Variants in ARID1B observed in about 807,000 individuals in gnomAD.
ARID1B encodes AT-rich interactive domain-containing protein 1B.
ARID1B carries 30 observed loss-of-function variants against 212.3 expected under a neutral mutation model. The ratio of observed to expected loss-of-function variants is 0.14; its 90% CI spans 0.11 to 0.19. The LOEUF (loss-of-function observed/expected upper bound fraction) is 0.19. Ranked by LOEUF, ARID1B falls within the 10% of genes least tolerant of loss-of-function variation. ARID1B has a pLI of 1.00. For missense variants in ARID1B, 2,891 were observed against 3,204.0 expected (o/e 0.90, Z 2.36); for synonymous variants, 1,402 against 1,301.7 (o/e 1.08, Z -1.66).
intron 2 of ARID1B, among the ~76,000 whole-genome samples, chr6:156,867,758 G>A (rs288550): frequency 0.62 from 94,467 of 152,050 alleles, 30,530 homozygotes; most frequent in African/African-American, 0.81. Context: ...GAAGTGGTCC[G>A]ACAGATCTCA....
chr6:156,915,506 C>T (rs1010571673), intron 3 of ARID1B, among the ~76,000 whole-genome samples: 3 of 151,284 alleles, frequency 2.0e-5, no homozygotes, highest in East Asian at 2.0e-4. Flanking sequence ...AGGCAGAGGT[C>T]GCAGTGAGCT....
chr6:156,877,977 A>C (rs912664212), intron 2 of ARID1B, among the ~76,000 whole-genome samples: 11 of 151,748 alleles, frequency 7.2e-5, no homozygotes, highest in Non-Finnish European at 1.5e-4. Flanking sequence ...CAGCCTCCCA[A>C]AGTGTTGGGA....
intron 2 of ARID1B, among the ~76,000 whole-genome samples, chr6:156,886,389 G>A (rs1260105652): frequency 2.6e-5 from 4 of 152,276 alleles, no homozygotes; most frequent in South Asian, 2.1e-4. Context: ...TTAAAGAAAT[G>A]TGTGTGCATT....
intron 13 of ARID1B, among the ~76,000 whole-genome samples, chr6:157,188,618 T>C (rs1793142835): frequency 6.6e-6 from 1 of 152,186 alleles, no homozygotes; most frequent in South Asian, 2.1e-4. Flanking sequence ...TGCCATTTGT[T>C]CGGGGGGTTC....
At chr6:157,152,918 A>G (rs1790307904) in intron 8 of ARID1B, among the ~76,000 whole-genome samples, 1 of 152,230 alleles carries the variant, frequency 6.6e-6, no homozygotes, top group African/African-American at 2.4e-5. Context: ...CACAATCCCA[A>G]AGGACCTAGA....
At chr6:156,946,626 A>G (rs371384749) in intron 4 of ARID1B, among the ~76,000 whole-genome samples, 14 of 145,340 alleles carry the variant, frequency 9.6e-5, no homozygotes, top group African/African-American at 3.2e-4. Context: ...ACAACTTGAG[A>G]GTGTTAGCTC....
intron 3 of ARID1B, among the ~76,000 whole-genome samples, chr6:156,931,335 C>T (rs1791698693): frequency 6.6e-6 from 1 of 151,914 alleles, no homozygotes; most frequent in African/African-American, 2.4e-5. Context: ...TTATTCATTT[C>T]CTAATGAAAG....
At chr6:157,155,267 A>G (rs1790502358) in intron 8 of ARID1B, among the ~76,000 whole-genome samples, 1 of 152,144 alleles carries the variant, frequency 6.6e-6, no homozygotes, top group Non-Finnish European at 1.5e-5. Context: ...GGCATTTAAC[A>G]TTGTTGGGAC....
At chr6:157,195,382 C>CGTGATCCCCCTCCACAGCATGCCA (rs1261153240) in intron 15 of ARID1B, 4 of 152,288 alleles carry the variant, frequency 2.6e-5, no homozygotes, top group African/African-American at 9.6e-5. Context: ...TTCCCTAACA[C>CGTGATCCCCCTCCACAGCATGCCA]GTGATCCCCC....
chr6:156,968,447 T>C (rs547785794), intron 4 of ARID1B, among the ~76,000 whole-genome samples: 1 of 152,312 alleles, frequency 6.6e-6, no homozygotes, highest in South Asian at 2.1e-4. Context: ...TAAATCCCCA[T>C]TGAGCATTAT....
Position 157,181,043 on chromosome 6 carries a change from G to A in ARID1B, c.3579G>A (p.Lys1193=), listed in dbSNP as rs568095755. 6.2e-7 allele frequency: 1 copy of A among 1,614,170 alleles called. No homozygotes were observed. Among genetic ancestry groups the A allele is most frequent in the Admixed American group, 1.7e-5 (1 of 60,032 alleles). The change falls in exon 12 of 20, where the codon AAG becomes AAA. Residue 1193 remains lysine (K), a synonymous_variant. Coordinates refer to ENST00000636930, the MANE Select transcript of ARID1B (RefSeq NM_001374828.1). ...AGCTGGGGAATGAGCCAGAGAGAAA[G>A]CTCTGGGTCGACCGATACCTCACCT... ...VYELGNEPER[K]LWVDRYLTFM... is the part of the protein sequence containing the mutation.
intron 4 of ARID1B, among the ~76,000 whole-genome samples, chr6:157,051,455 A>G (rs1440748705): frequency 6.6e-6 from 1 of 152,210 alleles, no homozygotes; most frequent in Non-Finnish European, 1.5e-5. Flanking sequence ...AGAATTTACA[A>G]TGGATTCTCT....
intron 8 of ARID1B, among the ~76,000 whole-genome samples, chr6:157,159,183 C>T (rs1420055577): frequency 6.6e-6 from 1 of 152,196 alleles, no homozygotes; most frequent in African/African-American, 2.4e-5. Context: ...TAAATACCTT[C>T]ACAGTATTGA....
At position 156,945,809 on chromosome 6, in the gene ARID1B, A is replaced by G. The variant is rs1055056918; in HGVS notation, c.2247+10233A>G. Among the ~76,000 whole-genome samples the G allele has an allele frequency of 8.5e-5, 13 of 152,244 alleles. No individual in the cohort carries two copies. The East Asian group carries it at 2.3e-3, about 27-fold the overall frequency. ...GATTTCTTGAGCCTAGGAGCTTGAG[A>G]CCGGCCTGGCCAACATGGTGAAACC... is the stretch of plus-strand genomic sequence containing the variant. On this transcript the variant is annotated intron_variant, in intron 4 of 19. Coordinates refer to ENST00000636930, the MANE Select transcript of ARID1B (RefSeq NM_001374828.1).
rs1343338303 is a variant in ARID1B, at chr6:156,778,334, C to T, written c.654C>T (p.Ser218=). ...QQQQQQQHPI[S]NNNSLGGAGG... Reference sequence around the variant, plus strand: ...AGCAGCAACAGCAACATCCCATTTCCAACAACAACAGCTTGGGCGGCGCGG... The same window carrying T: ...AGCAGCAACAGCAACATCCCATTTCTAACAACAACAGCTTGGGCGGCGCGG... Residue 218 remains serine (S), a synonymous_variant, in exon 1 of 20, where the codon TCC becomes TCT. Transcript: ENST00000636930. 2 of 1,542,494 alleles carry T rather than the reference C, an allele frequency of 1.3e-6. No individual in the cohort carries two copies. The highest frequency in any genetic ancestry group is 4.9e-5 in the East Asian group (2 of 40,780).
chr6:156,780,400 A>C (rs1230752221), intron 1 of ARID1B: 1 of 152,182 alleles, frequency 6.6e-6, no homozygotes, highest in Non-Finnish European at 1.5e-5. Context: ...CGCTGTTAGG[A>C]AGTGTCCTGC....
At chr6:156,959,132 C>T (rs564896416) in intron 4 of ARID1B, among the ~76,000 whole-genome samples, 173 of 152,252 alleles carry the variant, frequency 1.1e-3, no homozygotes, top group Admixed American at 3.5e-3. Context: ...GACCACTTGG[C>T]TTGTGTTCTT....
chr6:156,827,587 C>T (rs147238372), intron 1 of ARID1B, among the ~76,000 whole-genome samples: 3 of 152,276 alleles, frequency 2.0e-5, no homozygotes, highest in Admixed American at 6.5e-5. Flanking sequence ...TCAGCATCTT[C>T]GTAAATTCGT....
At chr6:156,969,492 T>A (rs1055013894) in intron 4 of ARID1B, among the ~76,000 whole-genome samples, 1 of 152,216 alleles carries the variant, frequency 6.6e-6, no homozygotes, top group East Asian at 1.9e-4. Flanking sequence ...ACTCACTGTT[T>A]AAGCTACTGA....
Sources: gnomAD v4.1 joint callset for allele counts (sites outside exome capture counted in the v4.1 genomes callset) on GRCh38, gnomAD v4.1.1 for gene constraint, MANE v1.5 for transcripts, NCBI Gene and HGNC (gene_info 2026-07-23, HGNC 2026-07-21) for gene names.